VWC2: variants seen among roughly 807,000 people sequenced by gnomAD.
The protein encoded by VWC2 is von Willebrand factor C domain containing 2.
VWC2 carries 14 observed loss-of-function variants against 29.8 expected under a neutral mutation model. The ratio of observed to expected loss-of-function variants is 0.47; its 90% CI spans 0.31 to 0.74. VWC2 has a LOEUF of 0.74. Among genes scored for constraint, VWC2 ranks in the 30% least tolerant of loss-of-function variants. The pLI, the probability that VWC2 is intolerant of heterozygous loss-of-function variation, is 0.05. For missense variants in VWC2, 457 were observed against 459.8 expected, an observed-to-expected ratio of 0.99 and a Z score of 0.05; for synonymous variants, 213 against 199.0, an observed-to-expected ratio of 1.07 and a Z score of -0.59.
intron 2 of VWC2, among the ~76,000 whole-genome samples, chr7:49,777,516 C>A (rs747802331): frequency 1.3e-5 from 2 of 152,188 alleles, no homozygotes; most frequent in Non-Finnish European, 2.9e-5. Context: ...CTCTGGGTTT[C>A]TTTTCTCTTA....
rs1316949935 is a variant in VWC2 at position 49,877,476 on chromosome 7, AAAAAAAT to A, written c.827-34556_827-34550del. On this transcript the variant is annotated intron_variant, in intron 3 of 3. Coordinates refer to ENST00000340652, the MANE Select transcript of VWC2 (RefSeq NM_198570.5). ...AAACTCTGTCTCAAAAAAAAAAAAAAAAAAAATATATATATATATATATATATATATA... is the reference window on the plus strand; with the variant it reads ...AAACTCTGTCTCAAAAAAAAAAAAAAATATATATATATATATATATATATA... 2.1e-3 allele frequency among the ~76,000 whole-genome samples: 92 copies of A among 43,854 alleles called. 1 individual carries two copies. The highest frequency in any genetic ancestry group is 2.8e-3 in the Non-Finnish European group (71 of 25,062). 28.8% of individuals were successfully genotyped at this position (43,854 alleles called of 152,430 possible).
intron 3 of VWC2, among the ~76,000 whole-genome samples, chr7:49,875,284 C>A (rs981509360): frequency 1.5e-5 from 2 of 136,630 alleles, no homozygotes; most frequent in African/African-American, 5.5e-5. Flanking sequence ...GCAGGAGAAT[C>A]GCCTGAACCC....
At chr7:49,867,653 C>T (rs887274882) in intron 3 of VWC2, among the ~76,000 whole-genome samples, 11 of 152,100 alleles carry the variant, frequency 7.2e-5, no homozygotes, top group African/African-American at 9.7e-5. Context: ...CTAGCACCTG[C>T]GAGGCCCTGG....
intron 3 of VWC2, among the ~76,000 whole-genome samples, chr7:49,872,092 AT>A (rs1791184102): frequency 6.6e-6 from 1 of 152,160 alleles, no homozygotes; most frequent in South Asian, 2.1e-4. Flanking sequence ...AAAGAACAGT[AT>A]ACTATGAAAC....
chr7:49,850,348 G>T (rs1316204460), intron 3 of VWC2: 1 of 152,158 alleles, frequency 6.6e-6, no homozygotes, highest in African/African-American at 2.4e-5. Context: ...AGTTCCATTG[G>T]TGAGTCCAAG....
At chr7:49,886,669 G>A (rs1312911064) in intron 3 of VWC2, among the ~76,000 whole-genome samples, 1 of 152,106 alleles carries the variant, frequency 6.6e-6, no homozygotes, top group African/African-American at 2.4e-5. Flanking sequence ...ACTAGTGTCA[G>A]AGGGGTTTGT....
chr7:49,798,383 G>A (rs1264609984), intron 2 of VWC2, among the ~76,000 whole-genome samples: 1 of 152,226 alleles, frequency 6.6e-6, no homozygotes, highest in Non-Finnish European at 1.5e-5. Flanking sequence ...GACCCAGAAT[G>A]CCAGATTGGC....
chr7:49,920,287 A>G lies in VWC2; in HGVS notation c.*8102A>G, dbSNP rs1261245101. On this transcript the variant is annotated 3_prime_UTR_variant, in exon 4 of 4. Coordinates refer to ENST00000340652, the MANE Select transcript of VWC2 (RefSeq NM_198570.5). The stretch of plus-strand genomic sequence containing the variant: ...AAAAAATGAAAATAATAAAAGTGGT[A>G]TTTGGATGAGATAATTTTCCTTTAA... 1 of 152,212 alleles carries G rather than the reference A, an allele frequency of 6.6e-6. No homozygotes were observed. Among genetic ancestry groups the G allele is most frequent in the Non-Finnish European group, 1.5e-5 (1 of 68,024 alleles). 9.4% of individuals were successfully genotyped at this position (152,212 alleles called of 1,614,324 possible).
intron 3 of VWC2, chr7:49,850,433 C>T (rs2128716261): frequency 6.6e-6 from 1 of 152,362 alleles, no homozygotes; most frequent in Admixed American, 6.5e-5. Context: ...CTGTGGCATC[C>T]TTATAAGCCA....
At chr7:49,879,342 T>C (rs1158408964) in intron 3 of VWC2, among the ~76,000 whole-genome samples, 1 of 152,176 alleles carries the variant, frequency 6.6e-6, no homozygotes, top group Non-Finnish European at 1.5e-5. Context: ...TGTTTATTAA[T>C]TTTTATTATT....
intron 3 of VWC2, among the ~76,000 whole-genome samples, chr7:49,884,843 T>C (rs889352407): frequency 5.9e-5 from 9 of 151,970 alleles, no homozygotes; most frequent in Non-Finnish European, 1.3e-4. Flanking sequence ...ACGTCAATAG[T>C]TAATCAAAAC....
intron 3 of VWC2, among the ~76,000 whole-genome samples, chr7:49,899,452 A>G (rs1289018454): frequency 1.3e-5 from 2 of 152,074 alleles, no homozygotes; most frequent in Non-Finnish European, 2.9e-5. Context: ...AGGGACTACT[A>G]TATAGCTTCA....
chr7:49,911,766 ATGCC>A (rs1793452084), intron 3 of VWC2, among the ~76,000 whole-genome samples: 1 of 151,758 alleles, frequency 6.6e-6, no homozygotes, highest in Non-Finnish European at 1.5e-5. Context: ...GTATAGTGGC[ATGCC>A]CCTGTAATCC....
At chr7:49,778,623 A>G (rs1461457795) in intron 2 of VWC2, among the ~76,000 whole-genome samples, 9 of 152,244 alleles carry the variant, frequency 5.9e-5, no homozygotes, top group Non-Finnish European at 8.8e-5. Flanking sequence ...ACAAAAGAGA[A>G]AGCAATGCTT....
chr7:49,862,265 T>G (rs1232180100), intron 3 of VWC2, among the ~76,000 whole-genome samples: 1 of 152,140 alleles, frequency 6.6e-6, no homozygotes, highest in Non-Finnish European at 1.5e-5. Flanking sequence ...AAATTTCTTT[T>G]CAAATTATTC....
At position 49,826,980 on chromosome 7, in the gene VWC2, G is replaced by A. The variant is rs189549662; in HGVS notation, c.826+24140G>A. 2.6e-4 allele frequency among the ~76,000 whole-genome samples: 40 copies of A among 151,968 alleles called. 1 individual carries two copies. Among genetic ancestry groups the A allele is most frequent in the Admixed American group, 2.3e-3 (35 of 15,264 alleles). On this transcript the variant is annotated intron_variant, in intron 3 of 3. Coordinates refer to ENST00000340652, the MANE Select transcript of VWC2 (RefSeq NM_198570.5). The stretch of plus-strand genomic sequence containing the variant: ...ATCTTTAGCATGTTCAGTATTCCAA[G>A]TCAGGAAAAAATAGTTTATTCATAA...
At chr7:49,809,644 G>A (rs1214093480) in intron 3 of VWC2, among the ~76,000 whole-genome samples, 1 of 151,940 alleles carries the variant, frequency 6.6e-6, no homozygotes, top group Non-Finnish European at 1.5e-5. Context: ...TCAGCAATCT[G>A]AATACAGCAC....
At chr7:49,898,613 A>T (rs937204773) in intron 3 of VWC2, among the ~76,000 whole-genome samples, 3 of 152,106 alleles carry the variant, frequency 2.0e-5, no homozygotes, top group African/African-American at 7.2e-5. Context: ...ACACACACAC[A>T]TACCCATATA....
At chr7:49,884,425 G>T (rs1190184355) in intron 3 of VWC2, among the ~76,000 whole-genome samples, 1 of 152,138 alleles carries the variant, frequency 6.6e-6, no homozygotes, top group Non-Finnish European at 1.5e-5. Flanking sequence ...TAAAATTGGG[G>T]GATTCACATA....
Sources: gnomAD v4.1 joint callset for allele counts (sites outside exome capture counted in the v4.1 genomes callset) on GRCh38, gnomAD v4.1.1 for gene constraint, MANE v1.5 for transcripts, NCBI Gene and HGNC (gene_info 2026-07-23, HGNC 2026-07-21) for gene names.